The following CACNA1S variants were observed in gnomAD, a reference collection of about 807,000 sequenced individuals.
CACNA1S encodes calcium voltage-gated channel subunit alpha1 S, also known as voltage-dependent L-type calcium channel subunit alpha-1S.
A neutral mutation model predicts 207.4 loss-of-function variants in CACNA1S; 126 were observed. The observed-to-expected ratio is 0.61, with a 90% CI of 0.53 to 0.70. The LOEUF is 0.70. Among genes scored for constraint, CACNA1S ranks in the 30% least tolerant of loss-of-function variants. The pLI, the probability that CACNA1S is intolerant of heterozygous loss-of-function variation, is 0.00. For synonymous variants in CACNA1S, 960 were observed against 932.7 expected, an observed-to-expected ratio of 1.03 and a Z score of -0.53; for missense variants, 2,349 against 2,422.8, an observed-to-expected ratio of 0.97 and a Z score of 0.64.
At chr1:201,062,401 T>C in intron 23 of CACNA1S, 61 bp downstream of exon 23, 1 of 1,529,650 alleles carries the variant, frequency 6.5e-7, no homozygotes, top group Non-Finnish European at 9.1e-7. Context: ...CCCTGCCCCG[T>C]GACTGTCCCA....
intron 19 of CACNA1S, among the ~76,000 whole-genome samples, chr1:201,068,328 T>C (rs919828841): frequency 7.2e-5 from 10 of 138,348 alleles, no homozygotes; most frequent in African/African-American, 2.5e-4. Flanking sequence ...CTGCAACCTC[T>C]GCCTCCCAGG....
chr1:201,103,168 C>T (rs1662741318), intron 2 of CACNA1S, among the ~76,000 whole-genome samples: 1 of 151,280 alleles, frequency 6.6e-6, no homozygotes, highest in South Asian at 2.1e-4. Flanking sequence ...ATTGCTTGAA[C>T]CTGGGAAGTG....
At chr1:201,049,230 T>G (rs1170750492) in intron 34 of CACNA1S, 131 bp from the exon 35 acceptor site, 1 of 685,974 alleles carries the variant, frequency 1.5e-6, no homozygotes. Flanking sequence ...CAACTGTGTT[T>G]AGGAAGTGGG....
chr1:201,076,976 C>G lies in CACNA1S; in HGVS notation c.1771G>C (p.Glu591Gln). ...FGGRYDFEDT[E>Q]VRRSNFDNFP... ...TTGTCAAAGTTGCTGCGCCGTACTT[C>G]TGTGTCTTCAAAGTCATACCTCCCC... The change falls in exon 12 of 44, where the codon GAA becomes CAA. Residue 591 changes from glutamate to glutamine, a missense_variant. Transcript: ENST00000362061. 1 of 1,614,264 alleles carries G rather than the reference C, an allele frequency of 6.2e-7. No homozygotes were observed.
chr1:201,083,465 G>A, intron 9 of CACNA1S, 143 bp from the exon 10 acceptor site: 1 of 807,414 alleles, frequency 1.2e-6, no homozygotes. Context: ...CAGGGCATGA[G>A]CTAGGGAGCC....
Position 201,078,119 on chromosome 1 carries a change from G to C in CACNA1S, c.1394-15C>G. 1 of 1,586,414 alleles carries C rather than the reference G, an allele frequency of 6.3e-7. No individual in the cohort carries two copies. The highest frequency in any genetic ancestry group is 1.1e-5 in the South Asian group (1 of 90,564). On this transcript the variant is annotated splice_polypyrimidine_tract_variant and intron_variant, in intron 10 of 43. Transcript: ENST00000362061. ...GTTGGCAATGTCTGTAGGGTTGGTG[G>C]CACAGCCCCGGCATCACTCTCCTTC...
At chr1:201,074,079 G>A (rs768577293) in intron 14 of CACNA1S, among the ~76,000 whole-genome samples, 2 of 152,186 alleles carry the variant, frequency 1.3e-5, no homozygotes, top group Non-Finnish European at 2.9e-5. Context: ...GGAAGAAGCA[G>A]AACTCTGTCT....
At chr1:201,061,180 C>A in intron 25 of CACNA1S, 87 bp downstream of exon 25, 1 of 1,224,056 alleles carries the variant, frequency 8.2e-7, no homozygotes, top group Non-Finnish European at 1.2e-6. Flanking sequence ...ACCCTTAGGC[C>A]TCTCTTCCCT....
chr1:201,075,274 C>T (rs1661566502), intron 13 of CACNA1S, among the ~76,000 whole-genome samples: 1 of 152,188 alleles, frequency 6.6e-6, no homozygotes, highest in Non-Finnish European at 1.5e-5. Context: ...CCAGCTGTAG[C>T]CAAACAACCC....
In CACNA1S at chr1:201,073,783, G is replaced by C; in HGVS notation, c.2064-141C>G. 6 of 786,084 alleles carry C rather than the reference G, an allele frequency of 7.6e-6. No individual in the cohort carries two copies. In the Middle Eastern group the frequency reaches 9.5e-4, roughly 125 times the overall value. The allele number at this position is 786,084 out of a possible 1,614,324, so 48.7% of individuals were successfully genotyped here. ...AGTGGCATCAGCCCCCAAATGGGAA[G>C]GGCAGTGGGCTCAGGCAAGTCCCTT... On this transcript the variant is annotated intron_variant, in intron 14 of 43. Transcript: ENST00000362061.
Position 201,062,029 on chromosome 1 carries a change from A to G in CACNA1S, c.2968T>C (p.Trp990Arg). The G allele has an allele frequency of 6.2e-7, 1 of 1,613,948 alleles. No homozygotes were observed. The highest frequency in any genetic ancestry group is 2.2e-5 in the East Asian group (1 of 44,864). Residue 990 changes from tryptophan (W) to arginine (R), a missense_variant, in exon 24 of 44, where the codon TGG becomes CGG. By Grantham distance (101) the Trp-to-Arg change is moderately radical (BLOSUM62 -3). Transcript: ENST00000362061. ...TCGAAGTGGAAGTCGCTGTGTACCC[A>G]CTCGCGGTGACGCAGCTCTATCTGC... ...PMQIELRHRE[W>R]VHSDFHFDNV...
chr1:201,099,920 A>G (rs759329750), intron 2 of CACNA1S, among the ~76,000 whole-genome samples: 7 of 152,040 alleles, frequency 4.6e-5, no homozygotes, highest in Non-Finnish European at 1.0e-4. Flanking sequence ...TAGAGCTCAC[A>G]GTTTGAAGGT....
chr1:201,061,615 C>A, intron 24 of CACNA1S, 147 bp from the exon 25 acceptor site: 1 of 788,374 alleles, frequency 1.3e-6, no homozygotes, highest in South Asian at 1.8e-5. Flanking sequence ...GTTAGGTCGG[C>A]GCCAGGAAAG....
intron 2 of CACNA1S, among the ~76,000 whole-genome samples, chr1:201,109,109 A>G (rs972334290): frequency 2.6e-5 from 4 of 152,136 alleles, no homozygotes; most frequent in Non-Finnish European, 4.4e-5. Context: ...TTATCTGGGC[A>G]TGGTGGCAGG....
chr1:201,094,068 G>T (rs1249862065), intron 2 of CACNA1S, 47 bp from the exon 3 acceptor site: 3 of 1,611,958 alleles, frequency 1.9e-6, no homozygotes, highest in Non-Finnish European at 1.7e-6. Flanking sequence ...CTCTCTGAGT[G>T]CACCCTTGCT....
At chr1:201,090,266 A>T (rs1238001005) in intron 5 of CACNA1S, among the ~76,000 whole-genome samples, 1 of 152,226 alleles carries the variant, frequency 6.6e-6, no homozygotes, top group African/African-American at 2.4e-5. Flanking sequence ...GCTGCTCAGC[A>T]TTCCTCAAGA....
chr1:201,046,577 C>G (rs1660479220), intron 38 of CACNA1S, among the ~76,000 whole-genome samples: 1 of 151,844 alleles, frequency 6.6e-6, no homozygotes, highest in South Asian at 2.1e-4. Flanking sequence ...CAGTCTCACT[C>G]TGTCGCCCAG....
chr1:201,043,219 G>T, intron 40 of CACNA1S, 62 bp downstream of exon 40: 1 of 1,611,092 alleles, frequency 6.2e-7, no homozygotes, highest in South Asian at 1.1e-5. Flanking sequence ...ATCCAACCTG[G>T]AACCTGCTGA....
chr1:201,103,460 G>A (rs1212173630), intron 2 of CACNA1S, among the ~76,000 whole-genome samples: 1 of 152,030 alleles, frequency 6.6e-6, no homozygotes, highest in Non-Finnish European at 1.5e-5. Context: ...CTGTTGTTCA[G>A]CTATTACAGT....
Sources: allele counts gnomAD v4.1 joint callset (sites outside exome capture counted in the v4.1 genomes callset), GRCh38; gene constraint gnomAD v4.1.1; transcripts MANE v1.5; gene names NCBI Gene and HGNC (gene_info 2026-07-23, HGNC 2026-07-21).